The following GPC6 variants were observed in gnomAD, a reference collection of about 807,000 sequenced individuals.
GPC6 encodes glypican 6, also known as glypican-6.
Under a neutral mutation model 55.2 loss-of-function variants are expected in GPC6, and 14 were observed. The ratio of observed to expected loss-of-function variants is 0.25; its 90% CI spans 0.17 to 0.40. The LOEUF is 0.40. Among genes scored for constraint, GPC6 ranks in the 10% least tolerant of loss-of-function variants. The pLI is 1.00. For missense variants in GPC6, 641 were observed against 708.5 expected, an observed-to-expected ratio of 0.90 and a Z score of 1.08; for synonymous variants, 278 against 259.6, an observed-to-expected ratio of 1.07 and a Z score of -0.68.
At chr13:93,416,786 A>T (rs1385550529) in intron 1 of GPC6, among the ~76,000 whole-genome samples, 1 of 152,034 alleles carries the variant, frequency 6.6e-6, no homozygotes, top group Non-Finnish European at 1.5e-5. Context: ...AACTTGGTGA[A>T]GGACACAGGG....
At chr13:94,229,271 A>G (rs1890647713) in intron 4 of GPC6, among the ~76,000 whole-genome samples, 1 of 152,158 alleles carries the variant, frequency 6.6e-6, no homozygotes, top group African/African-American at 2.4e-5. Flanking sequence ...TTCTTTTATT[A>G]TCTCAGAAAG....
At chr13:93,895,232 G>GTGTGTGTGTGTGTGTGTGTGTGTA (rs1477948797) in intron 3 of GPC6, among the ~76,000 whole-genome samples, 3 of 73,386 alleles carry the variant, frequency 4.1e-5, no homozygotes, top group African/African-American at 1.7e-4. Context: ...ATGTGTGTGT[G>GTGTGTGTGTGTGTGTGTGTGTGTA]TGTATATATA....
chr13:93,657,617 A>G (rs1880733891), intron 2 of GPC6, among the ~76,000 whole-genome samples: 1 of 152,164 alleles, frequency 6.6e-6, no homozygotes, highest in African/African-American at 2.4e-5. Context: ...TAATTAAACT[A>G]TAGAGCTTCT....
intron 6 of GPC6, among the ~76,000 whole-genome samples, chr13:94,372,281 C>G (rs900134834): frequency 6.6e-6 from 1 of 152,168 alleles, no homozygotes; most frequent in African/African-American, 2.4e-5. Context: ...CGGGTGATTT[C>G]TGCATTTCCA....
At chr13:94,326,542 C>G (rs1877125042) in intron 6 of GPC6, among the ~76,000 whole-genome samples, 1 of 152,156 alleles carries the variant, frequency 6.6e-6, no homozygotes, top group South Asian at 2.1e-4. Flanking sequence ...ACTTTATTTT[C>G]TTAGAACAGT....
intron 4 of GPC6, among the ~76,000 whole-genome samples, chr13:94,052,871 C>A (rs1043518058): frequency 1.3e-5 from 2 of 152,002 alleles, no homozygotes; most frequent in African/African-American, 4.8e-5. Flanking sequence ...TCAGGAAGTC[C>A]CTTAGGAAAG....
chr13:93,597,550 G>A (rs1227778785), intron 2 of GPC6, among the ~76,000 whole-genome samples: 1 of 152,066 alleles, frequency 6.6e-6, no homozygotes, highest in East Asian at 1.9e-4. Context: ...GAACTGCAGA[G>A]GTTCACTCAA....
At chr13:94,075,985 G>T (rs573048854) in intron 4 of GPC6, among the ~76,000 whole-genome samples, 3 of 151,984 alleles carry the variant, frequency 2.0e-5, no homozygotes, top group Non-Finnish European at 2.9e-5. Flanking sequence ...CCTGGAATTG[G>T]TGTTGCTGAA....
At chr13:94,334,455 T>TAAAGC (rs1473200339) in intron 6 of GPC6, among the ~76,000 whole-genome samples, 1 of 152,232 alleles carries the variant, frequency 6.6e-6, no homozygotes, top group Non-Finnish European at 1.5e-5. Context: ...TATAGATGTT[T>TAAAGC]AAAGCATGCC....
chr13:93,673,795 T>G (rs1190822067), intron 2 of GPC6, among the ~76,000 whole-genome samples: 1 of 152,198 alleles, frequency 6.6e-6, no homozygotes, highest in Non-Finnish European at 1.5e-5. Context: ...TTTGACTTTT[T>G]CCAAATGACG....
chr13:93,564,652 A>AT (rs57745612), intron 2 of GPC6, among the ~76,000 whole-genome samples: 1,970 of 152,112 alleles, frequency 0.013, 95 homozygotes, highest in Admixed American at 0.09. Context: ...CAGTGAAATA[A>AT]TTTTTTTTCC....
chr13:93,336,238 T>C lies in GPC6; in HGVS notation c.160+108622T>C, dbSNP rs146910606. On this transcript the variant is annotated intron_variant, in intron 1 of 8. Coordinates refer to ENST00000377047, the MANE Select transcript of GPC6 (RefSeq NM_005708.5). ...TGGTAGAAGCGTTGTGTAAAATGTG[T>C]GGAGTAAAAAGTTTTTGCAGATAAT... is the stretch of plus-strand genomic sequence containing the variant. Among the ~76,000 whole-genome samples, 856 of 152,294 alleles carry C rather than the reference T, an allele frequency of 5.6e-3. 7 individuals are homozygous for C. Among genetic ancestry groups the C allele is most frequent in the African/African-American group, 0.02 (812 of 41,574 alleles).
chr13:93,665,483 T>G (rs1439360146), intron 2 of GPC6, among the ~76,000 whole-genome samples: 1 of 152,162 alleles, frequency 6.6e-6, no homozygotes, highest in Non-Finnish European at 1.5e-5. Context: ...AAAGACTGTG[T>G]GTGTGTATGT....
chr13:93,905,969 A>C (rs760508770), intron 3 of GPC6, among the ~76,000 whole-genome samples: 1 of 152,228 alleles, frequency 6.6e-6, no homozygotes, highest in Non-Finnish European at 1.5e-5. Flanking sequence ...TGAATCTTAG[A>C]ATAAATACTG....
At chr13:93,389,123 A>G (rs1364857749) in intron 1 of GPC6, among the ~76,000 whole-genome samples, 1 of 152,186 alleles carries the variant, frequency 6.6e-6, no homozygotes, top group South Asian at 2.1e-4. Flanking sequence ...AGAGAATTAA[A>G]AGAAAATCTT....
Position 93,401,679 on chromosome 13 carries a change from C to A in GPC6, c.161-143584C>A, listed in dbSNP as rs1364815604. ...CTGAGTGTTATTTTTCTGTCTTCTTCATGAATGGACTTTTTTTTTTTTTTT... is the reference window on the plus strand; with the variant it reads ...CTGAGTGTTATTTTTCTGTCTTCTTAATGAATGGACTTTTTTTTTTTTTTT... On this transcript the variant is annotated intron_variant, in intron 1 of 8. Coordinates refer to ENST00000377047, the MANE Select transcript of GPC6 (RefSeq NM_005708.5). Among the ~76,000 whole-genome samples the A allele has an allele frequency of 2.3e-4, 26 of 113,016 alleles. No individual in the cohort carries two copies. In the South Asian group the frequency reaches 5.1e-3, roughly 22 times the overall value. The allele number at this position is 113,016 out of a possible 152,430, so 74.1% of individuals were successfully genotyped here. A position where few individuals can be genotyped will look rare whatever the true frequency, so the allele number is the denominator to read the frequency against.
Position 94,403,069 on chromosome 13 carries a change from C to G in GPC6, c.1520C>G (p.Pro507Arg). ...AGTGGGTGCATGGATGACGTGTGTCCCACGGAGTTTGAGTTTGTCACCACA... is the reference window on the plus strand; with the variant it reads ...AGTGGGTGCATGGATGACGTGTGTCGCACGGAGTTTGAGTTTGTCACCACA... ...SGSGCMDDVC[P>R]TEFEFVTTEA... The change falls in exon 9 of 9, where the codon CCC becomes CGC. Residue 507 changes from proline (P) to arginine (R), a missense_variant. Transcript: ENST00000377047. 5.6e-6 allele frequency: 9 copies of G among 1,613,730 alleles called. No homozygotes were observed. The highest frequency in any genetic ancestry group is 7.6e-6 in the Non-Finnish European group (9 of 1,179,634).
intron 4 of GPC6, among the ~76,000 whole-genome samples, chr13:94,145,961 G>GCTCTGTGTCTGTC (rs1887549379): frequency 6.6e-6 from 1 of 152,146 alleles, no homozygotes; most frequent in African/African-American, 2.4e-5. Flanking sequence ...AATGAAAGAA[G>GCTCTGTGTCTGTC]TCTGAGCTAA....
At chr13:94,312,720 G>GCACACA (rs200990954) in intron 6 of GPC6, among the ~76,000 whole-genome samples, 4 of 136,200 alleles carry the variant, frequency 2.9e-5, no homozygotes, top group South Asian at 2.2e-4. Context: ...ACACGCGCAC[G>GCACACA]CACACACACA....
Sources: allele counts gnomAD v4.1 joint callset (sites outside exome capture counted in the v4.1 genomes callset), GRCh38; gene constraint gnomAD v4.1.1; transcripts MANE v1.5; gene names NCBI Gene and HGNC (gene_info 2026-07-23, HGNC 2026-07-21).